Variants in PRDM16 observed in about 807,000 individuals in gnomAD.
PRDM16 encodes the protein PR/SET domain 16, also known as histone-lysine N-methyltransferase PRDM16.
PRDM16 carries 23 observed loss-of-function variants against 110.6 expected under a neutral mutation model. The observed-to-expected ratio is 0.21, with a 90% CI of 0.15 to 0.29. The LOEUF is 0.29. Ranked by LOEUF, PRDM16 falls within the 10% of genes least tolerant of loss-of-function variation. The pLI, the probability that PRDM16 is intolerant of heterozygous loss-of-function variation, is 1.00. For missense variants in PRDM16, 1,615 were observed against 1,794.3 expected (o/e 0.90, Z 1.81); for synonymous variants, 799 against 781.8 (o/e 1.02, Z -0.37).
At chr1:3,229,591 T>A (rs7516069) in intron 2 of PRDM16, among the ~76,000 whole-genome samples, 1 of 152,150 alleles carries the variant, frequency 6.6e-6, no homozygotes, top group African/African-American at 2.4e-5. Flanking sequence ...ACAGGCAGGA[T>A]GGCAGAATCG....
At position 3,412,052 on chromosome 1, in the gene PRDM16, A is replaced by G; in HGVS notation, c.1855A>G (p.Thr619Ala). ...TTTGTDLDTT[T>A]GTGSDLDSDV... is the part of the protein sequence containing the mutation. ...CACGGGGACCGACCTGGACACGACC[A>G]CGGGGACGGGCTCGGACCTGGACAG... The change falls in exon 9 of 17, where the codon ACG (threonine) becomes GCG (alanine). Residue 619 changes from threonine (T) to alanine (A), a missense_variant. By Grantham distance (58) the Thr-to-Ala change is moderately conservative. Transcript: ENST00000270722. The G allele has an allele frequency of 6.2e-7, 1 of 1,610,650 alleles. No homozygotes were observed. The highest frequency in any genetic ancestry group is 1.1e-5 in the South Asian group (1 of 90,898).
At chr1:3,433,521 C>G (rs1362740501) in intron 16 of PRDM16, among the ~76,000 whole-genome samples, 156 bp from the exon 17 acceptor site, 68 of 137,574 alleles carry the variant, frequency 4.9e-4, no homozygotes, top group Non-Finnish European at 5.7e-4. Flanking sequence ...CACGCGCTCA[C>G]CTGCCTGTCT....
chr1:3,196,773 G>A (rs1638488780), intron 2 of PRDM16, among the ~76,000 whole-genome samples: 1 of 152,214 alleles, frequency 6.6e-6, no homozygotes, highest in Non-Finnish European at 1.5e-5. Context: ...GGAGGCCCTG[G>A]GAAAGGGGCC....
chr1:3,174,804 G>C (rs1031265194), intron 1 of PRDM16, among the ~76,000 whole-genome samples: 2 of 152,152 alleles, frequency 1.3e-5, no homozygotes, highest in African/African-American at 4.8e-5. Context: ...GGCTTCATCA[G>C]CCCTGCAGCT....
intron 3 of PRDM16, among the ~76,000 whole-genome samples, chr1:3,314,775 T>C (rs1222507507): frequency 6.6e-6 from 1 of 152,130 alleles, no homozygotes; most frequent in Admixed American, 6.5e-5. Flanking sequence ...TTTTTGCAAT[T>C]ACCAGCCTGG....
intron 3 of PRDM16, among the ~76,000 whole-genome samples, chr1:3,252,686 G>C (rs538385960): frequency 6.6e-6 from 1 of 152,070 alleles, no homozygotes; most frequent in East Asian, 1.9e-4. Flanking sequence ...TCCCGGGCTC[G>C]TGTTCCATGA....
chr1:3,378,048 T>C lies in PRDM16; in HGVS notation c.439-7104T>C, dbSNP rs370544563. 1.8e-4 allele frequency among the ~76,000 whole-genome samples: 27 copies of C among 152,048 alleles called. 1 individual carries two copies. The highest frequency in any genetic ancestry group is 7.7e-4 in the East Asian group (4 of 5,166). ...TGGCTGGATGTAGCACGCACCCAGGTTGGAAAGGCTGGGCTCGCGCCCTAG... is the reference window on the plus strand; with the variant it reads ...TGGCTGGATGTAGCACGCACCCAGGCTGGAAAGGCTGGGCTCGCGCCCTAG... On this transcript the variant is annotated intron_variant, in intron 3 of 16. Coordinates refer to ENST00000270722, the MANE Select transcript of PRDM16 (RefSeq NM_022114.4).
intron 1 of PRDM16, among the ~76,000 whole-genome samples, chr1:3,135,219 G>A (rs929561322): frequency 2.0e-5 from 3 of 152,124 alleles, no homozygotes; most frequent in Admixed American, 2.0e-4. Context: ...CCCAGGCTCC[G>A]CCACCACCCC....
intron 4 of PRDM16, chr1:3,394,448 G>A (rs1490180952): frequency 2.2e-6 from 1 of 447,636 alleles, no homozygotes; most frequent in Middle Eastern, 7.0e-4. Flanking sequence ...GGATGCCCGA[G>A]GTCTCACGTC....
intron 1 of PRDM16, among the ~76,000 whole-genome samples, chr1:3,135,009 C>T (rs2100690674): frequency 6.6e-6 from 1 of 152,344 alleles, no homozygotes; most frequent in East Asian, 1.9e-4. Context: ...GGAGGCCCTC[C>T]TGGTCCGCGT....
At chr1:3,141,329 C>T (rs895115603) in intron 1 of PRDM16, among the ~76,000 whole-genome samples, 6 of 152,224 alleles carry the variant, frequency 3.9e-5, no homozygotes, top group South Asian at 2.1e-4. Flanking sequence ...CTGGGCTGGG[C>T]GGTAATTTAT....
At chr1:3,331,968 C>T (rs560105292) in intron 3 of PRDM16, among the ~76,000 whole-genome samples, 1 of 152,346 alleles carries the variant, frequency 6.6e-6, no homozygotes, top group East Asian at 1.9e-4. Context: ...TCTATCATGC[C>T]CCTAAAACAT....
At chr1:3,372,720 C>T (rs1444500820) in intron 3 of PRDM16, among the ~76,000 whole-genome samples, 1 of 152,268 alleles carries the variant, frequency 6.6e-6, no homozygotes, top group Non-Finnish European at 1.5e-5. Context: ...AAATCAAATT[C>T]AGGTTTGAAC....
At chr1:3,109,132 A>G (rs1008551763) in intron 1 of PRDM16, among the ~76,000 whole-genome samples, 7 of 151,302 alleles carry the variant, frequency 4.6e-5, no homozygotes, top group African/African-American at 1.7e-4. Context: ...ACAAAATCAC[A>G]TATTTTGAAA....
chr1:3,335,303 C>T (rs1349018414), intron 3 of PRDM16, among the ~76,000 whole-genome samples: 1 of 152,142 alleles, frequency 6.6e-6, no homozygotes, highest in Admixed American at 6.5e-5. Context: ...CACAGCCTTC[C>T]GCTTGGGAAA....
At chr1:3,104,178 T>G (rs919898998) in intron 1 of PRDM16, among the ~76,000 whole-genome samples, 2 of 152,214 alleles carry the variant, frequency 1.3e-5, no homozygotes, top group South Asian at 2.1e-4. Context: ...GGAGCCTGCA[T>G]GCTTGCTCCC....
chr1:3,185,556 G>C (rs1164548103), intron 1 of PRDM16, among the ~76,000 whole-genome samples: 1 of 152,072 alleles, frequency 6.6e-6, no homozygotes. Flanking sequence ...GGATGTCCAG[G>C]CTGCAGCCCA....
In PRDM16 at chr1:3,414,593, G is replaced by A; in HGVS notation, c.2637G>A (p.Val879=). ...RVEKRKVTDP[V]GALKEKYLRP... ...AAAAGCGGAAGGTCACAGACCCCGT[G>A]GGAGCCCTGAAGGAGAAGTACCTGC... The change falls in exon 10 of 17, where the codon GTG becomes GTA. Residue 879 remains valine (V), a synonymous_variant. Transcript: ENST00000270722. The A allele has an allele frequency of 1.9e-6, 3 of 1,613,476 alleles. No individual in the cohort carries two copies. Among genetic ancestry groups the A allele is most frequent in the Non-Finnish European group, 2.5e-6 (3 of 1,179,856 alleles).
chr1:3,381,556 A>G (rs955130630), intron 3 of PRDM16, among the ~76,000 whole-genome samples: 2 of 152,058 alleles, frequency 1.3e-5, no homozygotes, highest in South Asian at 4.2e-4. Context: ...ACACCCAGCT[A>G]ACTTTTGTAT....
Sources: allele counts gnomAD v4.1 joint callset (sites outside exome capture counted in the v4.1 genomes callset), GRCh38; gene constraint gnomAD v4.1.1; transcripts MANE v1.5; gene names NCBI Gene and HGNC (gene_info 2026-07-23, HGNC 2026-07-21).